Variants in QDPR observed in about 807,000 individuals in gnomAD.
QDPR encodes quinoid dihydropteridine reductase, also known as dihydropteridine reductase.
QDPR carries 23 observed loss-of-function variants against 31.7 expected under a neutral mutation model. The ratio of observed to expected loss-of-function variants is 0.73; its 90% CI spans 0.52 to 1.03. The LOEUF (loss-of-function observed/expected upper bound fraction) is 1.03, where lower values mean the gene tolerates loss of function less well. Among genes scored for constraint, QDPR ranks in the 50% least tolerant of loss-of-function variants. The pLI is 0.00. For synonymous variants in QDPR, 124 were observed against 124.7 expected (o/e 0.99, Z 0.03); for missense variants, 324 against 323.8 (o/e 1.00, Z 0.00).
chr4:17,495,923 G>A (rs898677960), intron 4 of QDPR, among the ~76,000 whole-genome samples: 1 of 152,082 alleles, frequency 6.6e-6, no homozygotes. Flanking sequence ...GTGGAAAGAC[G>A]GCTGGAGCCC....
chr4:17,505,000 C>T (rs1311058742), intron 2 of QDPR, among the ~76,000 whole-genome samples: 1 of 152,100 alleles, frequency 6.6e-6, no homozygotes, highest in Non-Finnish European at 1.5e-5. Context: ...AAAATACAGT[C>T]AATAGCAATA....
intron 3 of QDPR, among the ~76,000 whole-genome samples, chr4:17,502,622 A>G (rs1219359284): frequency 6.6e-6 from 1 of 152,248 alleles, no homozygotes; most frequent in Non-Finnish European, 1.5e-5. Flanking sequence ...CTGTTTTGCT[A>G]ACCTGATCAC....
chr4:17,506,871 CT>C (rs1173753569), intron 2 of QDPR, among the ~76,000 whole-genome samples: 1 of 152,128 alleles, frequency 6.6e-6, no homozygotes, highest in Non-Finnish European at 1.5e-5. Context: ...CAAACTGACA[CT>C]TTAGAAAGAG....
At chr4:17,498,821 T>C (rs569152468) in intron 4 of QDPR, among the ~76,000 whole-genome samples, 2 of 151,614 alleles carry the variant, frequency 1.3e-5, no homozygotes, top group East Asian at 3.9e-4. Context: ...AAACTTCTGA[T>C]GTGCAAACAA....
At chr4:17,503,693 T>C (rs751372491) in intron 3 of QDPR, among the ~76,000 whole-genome samples, 3 of 152,208 alleles carry the variant, frequency 2.0e-5, no homozygotes, top group Non-Finnish European at 4.4e-5. Context: ...CTCACGCCCG[T>C]AACCCCAGCA....
At chr4:17,510,218 GGGAT>G (rs1486191887) in intron 1 of QDPR, among the ~76,000 whole-genome samples, 7 of 152,242 alleles carry the variant, frequency 4.6e-5, no homozygotes, top group African/African-American at 1.7e-4. Context: ...GCAGCAGAGA[GGGAT>G]GGACTTTAGG....
At chr4:17,491,220 T>C (rs744731) in intron 5 of QDPR, among the ~76,000 whole-genome samples, 33,728 of 152,160 alleles carry the variant, frequency 0.22, 4,349 homozygotes, top group Non-Finnish European at 0.29. Context: ...CAGAATAATA[T>C]AGAATTCAGA....
At chr4:17,505,264 T>C (rs918820621) in intron 2 of QDPR, among the ~76,000 whole-genome samples, 3 of 150,094 alleles carry the variant, frequency 2.0e-5, no homozygotes, top group African/African-American at 7.4e-5. Context: ...TTTTTTTTTT[T>C]TGAGATGGAG....
At chr4:17,502,007 C>T in intron 3 of QDPR, 148 bp from the exon 4 acceptor site, 4 of 948,140 alleles carry the variant, frequency 4.2e-6, no homozygotes, top group East Asian at 2.6e-5. Context: ...CAGCACAGGG[C>T]TCAGTGGTCA....
chr4:17,487,055 A>T lies in QDPR; in HGVS notation c.*76T>A, dbSNP rs1717983971. On this transcript the variant is annotated 3_prime_UTR_variant, in exon 7 of 7. Coordinates refer to ENST00000281243, the MANE Select transcript of QDPR (RefSeq NM_000320.3). ...ACCACAAACAGGGGTTACAGAAAAC[A>T]CAAGGCTGGACAAGGCCACACTGAG... 1 of 1,181,792 alleles carries T rather than the reference A, an allele frequency of 8.5e-7. No individual in the cohort carries two copies. Among genetic ancestry groups the T allele is most frequent in the African/African-American group, 1.5e-5 (1 of 66,536 alleles). The allele number at this position is 1,181,792 out of a possible 1,614,324, so 73.2% of individuals were successfully genotyped here.
intron 4 of QDPR, among the ~76,000 whole-genome samples, chr4:17,493,890 C>A (rs1297980104): frequency 6.6e-6 from 1 of 152,190 alleles, no homozygotes; most frequent in East Asian, 1.9e-4. Flanking sequence ...ACCTACTAAT[C>A]ACCTTATCAG....
intron 4 of QDPR, among the ~76,000 whole-genome samples, chr4:17,501,232 G>A (rs1457742693): frequency 6.6e-6 from 1 of 152,072 alleles, no homozygotes; most frequent in Non-Finnish European, 1.5e-5. Context: ...TGTTGCCCAG[G>A]CTGGTCTTGA....
intron 2 of QDPR, among the ~76,000 whole-genome samples, chr4:17,505,664 C>G (rs1275499445): frequency 1.3e-5 from 2 of 152,118 alleles, no homozygotes; most frequent in East Asian, 3.9e-4. Flanking sequence ...CCAGCCCGGG[C>G]AACATAACAA....
Position 17,490,673 on chromosome 4 carries a change from T to C in QDPR, c.618A>G (p.Glu206=), listed in dbSNP as rs1431907300. ...EADFSSWTPL[E]FLVETFHDWI... ...TCTGTAATACTCACTCAACTAGGAA[T>C]TCTAAGGGTGTCCAGGAGCTGAAGT... is the stretch of plus-strand genomic sequence containing the variant. Residue 206 remains glutamate, a synonymous_variant, in exon 6 of 7, where the codon GAA becomes GAG. Coordinates refer to ENST00000281243, the MANE Select transcript of QDPR (RefSeq NM_000320.3). The C allele has an allele frequency of 1.9e-6, 3 of 1,613,352 alleles. No homozygotes were observed. Among genetic ancestry groups the C allele is most frequent in the Non-Finnish European group, 2.5e-6 (3 of 1,179,422 alleles).
intron 2 of QDPR, among the ~76,000 whole-genome samples, chr4:17,505,595 T>C (rs1431330990): frequency 6.6e-6 from 1 of 152,194 alleles, no homozygotes; most frequent in African/African-American, 2.4e-5. Flanking sequence ...CTCATGCCAG[T>C]AGTCCCAGCA....
At position 17,486,981 on chromosome 4, in the gene QDPR, G is replaced by C; in HGVS notation, c.*150C>G. The C allele has an allele frequency of 1.4e-6, 1 of 712,080 alleles. No homozygotes were observed. The highest frequency in any genetic ancestry group is 2.7e-5 in the East Asian group (1 of 36,996). 44.1% of individuals were successfully genotyped at this position (712,080 alleles called of 1,614,324 possible). ...ACATAAATGTATTACACTGTCCTAG[G>C]AGAGCAAATGCATATTATGTGAGAG... On this transcript the variant is annotated 3_prime_UTR_variant, in exon 7 of 7. Transcript: ENST00000281243.
chr4:17,489,275 A>G (rs1380654178), intron 6 of QDPR, among the ~76,000 whole-genome samples: 1 of 152,134 alleles, frequency 6.6e-6, no homozygotes, highest in Non-Finnish European at 1.5e-5. Flanking sequence ...CTCTAGAACA[A>G]AAGGGGGCCT....
At position 17,512,019 on chromosome 4, in the gene QDPR, C is replaced by T. The variant is rs2108999106; in HGVS notation, c.36G>A (p.Arg12=). Residue 12 remains arginine (R), a synonymous_variant, in exon 1 of 7, where the codon CGG becomes CGA. Coordinates refer to ENST00000281243, the MANE Select transcript of QDPR (RefSeq NM_000320.3). ...AAAAAAGEAR[R]VLVYGGRGAL... is the part of the protein sequence containing the mutation. ...CGCCCCTGCCGCCGTACACCAGCAC[C>T]CGGCGCGCCTCGCCTGCAGCCGCCG... 1 of 1,607,352 alleles carries T rather than the reference C, an allele frequency of 6.2e-7. No homozygotes were observed. The highest frequency in any genetic ancestry group is 8.5e-7 in the Non-Finnish European group (1 of 1,177,750).
chr4:17,494,086 G>A (rs1718266621), intron 4 of QDPR, among the ~76,000 whole-genome samples: 1 of 152,120 alleles, frequency 6.6e-6, no homozygotes, highest in Non-Finnish European at 1.5e-5. Flanking sequence ...GCTAGTGACT[G>A]ACACTGGGAG....
Sources: allele counts gnomAD v4.1 joint callset (sites outside exome capture counted in the v4.1 genomes callset), GRCh38; gene constraint gnomAD v4.1.1; transcripts MANE v1.5; gene names NCBI Gene and HGNC (gene_info 2026-07-23, HGNC 2026-07-21).